ZNF717: variants seen among roughly 807,000 people sequenced by gnomAD.
ZNF717 encodes the protein zinc finger protein 717.
Under a neutral mutation model 13.8 loss-of-function variants are expected in ZNF717, and 9 were observed. That is an observed-to-expected ratio of 0.65 (90% CI 0.39 to 1.14). The LOEUF is 1.14. Among genes scored for constraint, ZNF717 ranks in the 50% most tolerant of loss-of-function variants. The pLI is 0.01. For missense variants in ZNF717, 1,040 were observed against 1,080.7 expected (o/e 0.96, Z 0.53); for synonymous variants, 327 against 364.1 (o/e 0.90, Z 1.16).
At chr3:75,702,227 T>C (rs1464039319) in intron 6 of ZNF717, among the ~76,000 whole-genome samples, 1 of 152,306 alleles carries the variant, frequency 6.6e-6, no homozygotes, top group Non-Finnish European at 1.5e-5. Context: ...TAAATGTCCA[T>C]CAACAGATGA....
intron 2 of ZNF717, among the ~76,000 whole-genome samples, chr3:75,764,101 G>A (rs1559659537): frequency 6.6e-6 from 1 of 152,210 alleles, no homozygotes; most frequent in Non-Finnish European, 1.5e-5. Context: ...ATAGATGGAA[G>A]GACAACATCT....
downstream of ZNF717, among the ~76,000 whole-genome samples, chr3:75,707,619 G>C (rs1937832583): frequency 6.6e-6 from 1 of 152,228 alleles, no homozygotes; most frequent in Non-Finnish European, 1.5e-5. Flanking sequence ...AGTGGGTGCA[G>C]TGCACGGTGC....
At chr3:75,741,863 C>G in intron 2 of ZNF717, 127 bp from the exon 3 acceptor site, 1 of 1,287,832 alleles carries the variant, frequency 7.8e-7, no homozygotes, top group Non-Finnish European at 1.1e-6. Context: ...AGGACACCAA[C>G]CCCTGTAATG....
chr3:75,761,391 A>G (rs1942999206), intron 2 of ZNF717, among the ~76,000 whole-genome samples: 1 of 152,270 alleles, frequency 6.6e-6, no homozygotes, highest in African/African-American at 2.4e-5. Flanking sequence ...GTAAATAAAG[A>G]TCGTACATGA....
downstream of ZNF717, among the ~76,000 whole-genome samples, chr3:75,726,345 AGGCACAGT>A (rs1938279992): frequency 1.3e-5 from 2 of 152,270 alleles, no homozygotes. Context: ...TAGTTAGGAC[AGGCACAGT>A]GGCTCATGCC....
At chr3:75,717,794 T>C (rs1279872051) in intron 4 of ZNF717, among the ~76,000 whole-genome samples, 6 of 152,200 alleles carry the variant, frequency 3.9e-5, no homozygotes, top group Non-Finnish European at 8.8e-5. Context: ...ACAGTATTCT[T>C]GTGGGATTTG....
At chr3:75,767,974 A>T (rs1044278515) in intron 2 of ZNF717, among the ~76,000 whole-genome samples, 83 of 152,332 alleles carry the variant, frequency 5.4e-4, no homozygotes, top group African/African-American at 2.0e-3. Flanking sequence ...ACGGCAACCC[A>T]GGCACTGAAG....
chr3:75,723,376 A>G (rs1483981729), intron 4 of ZNF717, among the ~76,000 whole-genome samples: 2 of 149,472 alleles, frequency 1.3e-5, no homozygotes, highest in African/African-American at 2.5e-5. Context: ...CAGCCTCCCC[A>G]GTAATAGACT....
downstream of ZNF717, among the ~76,000 whole-genome samples, chr3:75,729,615 C>CAA (rs369485280): frequency 5.8e-3 from 672 of 115,454 alleles, 8 homozygotes; most frequent in East Asian, 8.0e-3. Flanking sequence ...AACTCCATAT[C>CAA]AAAAAAAAAA....
chr3:75,764,996 T>G (rs1028633016), intron 2 of ZNF717, among the ~76,000 whole-genome samples: 2 of 30,256 alleles, frequency 6.6e-5, no homozygotes, highest in African/African-American at 3.2e-4. Context: ...AAAGGATATA[T>G]ATATATATAT....
At chr3:75,716,145 T>C (rs1938046257) in intron 5 of ZNF717, among the ~76,000 whole-genome samples, 1 of 150,992 alleles carries the variant, frequency 6.6e-6, no homozygotes, top group Admixed American at 6.6e-5. Context: ...TAATTTTTTT[T>C]TTTTTTTTGT....
At chr3:75,735,635 TAAAAAAAAAAAAA>T (rs149366090), downstream of ZNF717, among the ~76,000 whole-genome samples, 1 of 79,844 alleles carries the variant, frequency 1.3e-5, no homozygotes, top group African/African-American at 6.0e-5. Flanking sequence ...ACTGTCTCAA[TAAAAAAAAAAAAA>T]AAAAAAAAAG....
chr3:75,699,392 T>C (rs79550232), intron 6 of ZNF717, among the ~76,000 whole-genome samples: 3 of 152,298 alleles, frequency 2.0e-5, no homozygotes, highest in East Asian at 3.8e-4. Flanking sequence ...AAATCTTATA[T>C]TGAAATGTAA....
At position 75,737,608 on chromosome 3, in the gene ZNF717, T is replaced by C. The variant is rs75759940; in HGVS notation, c.2015A>G (p.Lys672Arg). The C allele has an allele frequency of 3.9e-6, 6 of 1,544,018 alleles. No individual in the cohort carries two copies. The highest frequency in any genetic ancestry group is 5.3e-6 in the Non-Finnish European group (6 of 1,141,810). ...LTIHQRTHTGKNRMDVMNVEK... is the reference protein window; with the variant it reads ...LTIHQRTHTGRNRMDVMNVEK... ...CACATTCATTACATCCATACGGTTT[T>C]TCCCCGTGTGAGTTCTCTGGTGTAT... The change falls in exon 5 of 5, where the codon AAA becomes AGA. Residue 672 changes from lysine (K) to arginine (R), a missense_variant. This residue lies in a region of ZNF717 where 873 missense variants were observed against 832.8 expected (regional missense o/e 1.05). Coordinates refer to ENST00000652011, the MANE Select transcript of ZNF717 (RefSeq NM_001290208.3).
At chr3:75,707,893 G>A (rs1937838314), downstream of ZNF717, among the ~76,000 whole-genome samples, 1 of 152,258 alleles carries the variant, frequency 6.6e-6, no homozygotes, top group Admixed American at 6.5e-5. Context: ...GCAGCAGCAA[G>A]GCTGGGGGAG....
At chr3:75,777,572 T>G (rs1333246158) in intron 2 of ZNF717, among the ~76,000 whole-genome samples, 1 of 147,412 alleles carries the variant, frequency 6.8e-6, no homozygotes, top group Non-Finnish European at 1.5e-5. Flanking sequence ...ACAATGGGAG[T>G]AATCTGCTAA....
At chr3:75,722,043 CA>C (rs1478371101) in intron 4 of ZNF717, among the ~76,000 whole-genome samples, 14 of 148,892 alleles carry the variant, frequency 9.4e-5, no homozygotes, top group African/African-American at 3.5e-4. Flanking sequence ...GTCAAGAGAT[CA>C]AGACCATCCT....
At chr3:75,743,332 A>G (rs1940714465) in intron 2 of ZNF717, among the ~76,000 whole-genome samples, 1 of 152,218 alleles carries the variant, frequency 6.6e-6, no homozygotes, top group Non-Finnish European at 1.5e-5. Flanking sequence ...ACAATCATCT[A>G]TTTTTGTGGG....
At chr3:75,713,482 C>A (rs3009065) in intron 5 of ZNF717, among the ~76,000 whole-genome samples, 63,046 of 151,880 alleles carry the variant, frequency 0.42, 13,510 homozygotes, top group South Asian at 0.6. Context: ...CTTGTAGTAA[C>A]CTTAAATTAT....
Sources: allele counts gnomAD v4.1 joint callset (sites outside exome capture counted in the v4.1 genomes callset), GRCh38; gene constraint gnomAD v4.1.1; regional missense constraint gnomAD v4.1.1; transcripts MANE v1.5; gene names NCBI Gene and HGNC (gene_info 2026-07-23, HGNC 2026-07-21).